Variants in CACYBP observed in about 807,000 individuals in gnomAD.
The protein encoded by CACYBP is calcyclin binding protein.
Under a neutral mutation model 29.6 loss-of-function variants are expected in CACYBP, and 11 were observed. The observed-to-expected ratio is 0.37, with a 90% confidence interval of 0.23 to 0.61. The LOEUF (loss-of-function observed/expected upper bound fraction) is 0.61. Ranked by LOEUF, CACYBP falls within the 20% of genes least tolerant of loss-of-function variation. CACYBP has a pLI of 0.65. For missense variants in CACYBP, 163 were observed against 260.7 expected, an observed-to-expected ratio of 0.63 and a Z score of 2.58; for synonymous variants, 73 against 88.3, an observed-to-expected ratio of 0.83 and a Z score of 0.97.
chr1:175,000,455 G>T (rs1316400727), intron 1 of CACYBP: 1 of 1,375,370 alleles, frequency 7.3e-7, no homozygotes, highest in East Asian at 3.0e-5. Flanking sequence ...CAGGCGGTGC[G>T]GGGAGTGGGT....
rs1402312700 is a variant in CACYBP at position 175,009,884 on chromosome 1, T to C, written c.531-39T>C. On this transcript the variant is annotated intron_variant, in intron 5 of 5. Transcript: ENST00000367679. ...CCTGAATGATAGTATCTTCCGGTGC[T>C]TTCGTTTCCCCATTGTTGTATATGT... The C allele has an allele frequency of 2.6e-6, 4 of 1,554,664 alleles. No individual in the cohort carries two copies. In the South Asian group the frequency reaches 3.6e-5, roughly 14 times the overall value.
chr1:175,005,199 G>A (rs541883717), intron 2 of CACYBP: 6 of 309,958 alleles, frequency 1.9e-5, no homozygotes, highest in South Asian at 1.6e-4. Flanking sequence ...GTTAAATTCA[G>A]GAAATATTTT....
At position 175,008,684 on chromosome 1, in the gene CACYBP, G is replaced by C; in HGVS notation, c.508G>C (p.Glu170Gln). Reference sequence around the variant, plus strand: ...AAGGTGGGATTACCTGACCCAGGTTGAAAAGGAGTGCAAAGAAAAAGAGTG... The same window carrying C: ...AAGGTGGGATTACCTGACCCAGGTTCAAAAGGAGTGCAAAGAAAAAGAGTG... ...NTRWDYLTQV[E>Q]KECKEKEKPS... is the part of the protein sequence containing the mutation. The change falls in exon 5 of 6, where the codon GAA becomes CAA. Residue 170 changes from glutamate to glutamine, a missense_variant. Coordinates refer to ENST00000367679, the MANE Select transcript of CACYBP (RefSeq NM_014412.3). 1 of 1,565,398 alleles carries C rather than the reference G, an allele frequency of 6.4e-7. No individual in the cohort carries two copies. The highest frequency in any genetic ancestry group is 8.8e-7 in the Non-Finnish European group (1 of 1,135,614).
At position 175,010,812 on chromosome 1, in the gene CACYBP, A is replaced by G. The variant is rs1672731516; in HGVS notation, c.*733A>G. The stretch of plus-strand genomic sequence containing the variant: ...AGTTTTTCTTCATTAGAACAGTTTT[A>G]TGATTTATTTGTCTAGGAGTATGTC... On this transcript the variant is annotated 3_prime_UTR_variant, in exon 6 of 6. Coordinates refer to ENST00000367679, the MANE Select transcript of CACYBP (RefSeq NM_014412.3). 1 of 152,170 alleles carries G rather than the reference A, an allele frequency of 6.6e-6. No homozygotes were observed. Among genetic ancestry groups the G allele is most frequent in the African/African-American group, 2.4e-5 (1 of 41,448 alleles). 9.4% of individuals were successfully genotyped at this position (152,170 alleles called of 1,614,324 possible).
upstream of CACYBP, chr1:174,999,934 T>G: frequency 3.6e-6 from 2 of 559,702 alleles, no homozygotes; most frequent in Admixed American, 3.5e-5. Flanking sequence ...GAAGGGTGGG[T>G]GGAGCCAGGC....
chr1:175,002,215 A>G (rs950185454), intron 1 of CACYBP, among the ~76,000 whole-genome samples: 1 of 152,222 alleles, frequency 6.6e-6, no homozygotes, highest in Non-Finnish European at 1.5e-5. Flanking sequence ...TGGTTGCATC[A>G]TATTCCTGTA....
intron 5 of CACYBP, among the ~76,000 whole-genome samples, chr1:175,009,460 A>G (rs894733829): frequency 6.6e-6 from 1 of 152,100 alleles, no homozygotes; most frequent in Non-Finnish European, 1.5e-5. Context: ...AGCCTGGCCA[A>G]CATGGTGAAA....
At chr1:175,000,395 A>AC in intron 1 of CACYBP, 200 bp downstream of exon 1, 1 of 1,411,910 alleles carries the variant, frequency 7.1e-7, no homozygotes. Flanking sequence ...TCGACCTCGC[A>AC]CCCCACTCGC....
chr1:175,010,160 A>G lies in CACYBP; in HGVS notation c.*81A>G. ...GTAAGGGAATATTGGTGAGCTGCAT[A>G]TATAAATTTGACAGATAGCTATTTA... is the stretch of plus-strand genomic sequence containing the variant. On this transcript the variant is annotated 3_prime_UTR_variant, in exon 6 of 6. Coordinates refer to ENST00000367679, the MANE Select transcript of CACYBP (RefSeq NM_014412.3). 2 of 1,216,370 alleles carry G rather than the reference A, an allele frequency of 1.6e-6. No individual in the cohort carries two copies. 75.3% of individuals were successfully genotyped at this position (1,216,370 alleles called of 1,614,324 possible). A position where few individuals can be genotyped will look rare whatever the true frequency, so the allele number is the denominator to read the frequency against.
At chr1:175,005,022 CAA>C (rs1672583814) in intron 2 of CACYBP, 189 bp downstream of exon 2, 4 of 624,574 alleles carry the variant, frequency 6.4e-6, no homozygotes, top group Admixed American at 2.6e-5. Context: ...AAGCTGTTAA[CAA>C]GAGTAAGGTG....
intron 1 of CACYBP, among the ~76,000 whole-genome samples, chr1:175,001,953 G>A (rs766943482): frequency 6.6e-6 from 1 of 152,170 alleles, no homozygotes; most frequent in Non-Finnish European, 1.5e-5. Flanking sequence ...CGTTGGCCAG[G>A]CTGGTCTCGA....
chr1:175,000,290 T>C, intron 1 of CACYBP, 95 bp downstream of exon 1: 1 of 1,524,638 alleles, frequency 6.6e-7, no homozygotes. Context: ...TGAGCCGCCC[T>C]GCGGCCACCC....
chr1:175,000,557 G>A (rs1023502052), intron 1 of CACYBP: 2 of 1,178,022 alleles, frequency 1.7e-6, no homozygotes, highest in African/African-American at 3.3e-5. Context: ...AGCAAAGCTG[G>A]GTGCAAACAT....
intron 1 of CACYBP, chr1:175,000,506 C>T (rs1480068321): frequency 1.3e-5 from 17 of 1,290,528 alleles, no homozygotes; most frequent in South Asian, 5.5e-5. Flanking sequence ...CAGGCCCTTT[C>T]TGCCCTGGTT....
intron 1 of CACYBP, chr1:175,000,428 TGCGGC>T: frequency 7.2e-7 from 1 of 1,384,012 alleles, no homozygotes; most frequent in Non-Finnish European, 9.3e-7. Flanking sequence ...AGCGGGGGTG[TGCGGC>T]GATTATCCGT....
At chr1:175,000,518 C>T in intron 1 of CACYBP, 1 of 1,263,044 alleles carries the variant, frequency 7.9e-7, no homozygotes, top group Non-Finnish European at 1.0e-6. Flanking sequence ...GCCCTGGTTT[C>T]CCAGCCAGTG....
Position 175,000,061 on chromosome 1 carries a change from G to C in CACYBP, c.-120G>C. ...TTGCGCAGGGTCGGTGTGGGCGCAG[G>C]CTGCAGCGCCGCGACTCGTGCGGGT... is the stretch of plus-strand genomic sequence containing the variant. On this transcript the variant is annotated 5_prime_UTR_variant, in exon 1 of 6. Transcript: ENST00000367679. 1.4e-6 allele frequency: 2 copies of C among 1,386,208 alleles called. No individual in the cohort carries two copies. The highest frequency in any genetic ancestry group is 1.2e-5 in the South Asian group (1 of 80,692). 85.9% of individuals were successfully genotyped at this position (1,386,208 alleles called of 1,614,324 possible).
intron 1 of CACYBP, among the ~76,000 whole-genome samples, chr1:175,001,667 C>T (rs1410616819): frequency 6.6e-6 from 1 of 152,348 alleles, no homozygotes; most frequent in Admixed American, 6.5e-5. Flanking sequence ...TACACATGCT[C>T]TTTATGGCTA....
intron 1 of CACYBP, 193 bp downstream of exon 1, chr1:175,000,388 A>C: frequency 2.1e-6 from 3 of 1,413,204 alleles, no homozygotes; most frequent in Non-Finnish European, 2.8e-6. Flanking sequence ...CTTCCACTCG[A>C]CCTCGCACCC....
Sources: gnomAD v4.1 joint callset for allele counts (sites outside exome capture counted in the v4.1 genomes callset) on GRCh38, gnomAD v4.1.1 for gene constraint, MANE v1.5 for transcripts, NCBI Gene and HGNC (gene_info 2026-07-23, HGNC 2026-07-21) for gene names.